Variants in ST6GALNAC1 observed in about 807,000 individuals in gnomAD.
ST6GALNAC1 encodes alpha-N-acetylgalactosaminide alpha-2,6-sialyltransferase 1.
Under a neutral mutation model 56.8 loss-of-function variants are expected in ST6GALNAC1, and 45 were observed. The ratio of observed to expected loss-of-function variants is 0.79; its 90% CI spans 0.62 to 1.02. ST6GALNAC1 has a LOEUF of 1.02. Among genes scored for constraint, ST6GALNAC1 ranks in the 50% least tolerant of loss-of-function variants. The pLI is 0.00. For missense variants in ST6GALNAC1, 743 were observed against 754.8 expected (o/e 0.98, Z 0.18); for synonymous variants, 295 against 297.8 (o/e 0.99, Z 0.10).
chr17:76,633,013 C>A (rs576038337), intron 1 of ST6GALNAC1, among the ~76,000 whole-genome samples: 1 of 152,172 alleles, frequency 6.6e-6, no homozygotes, highest in East Asian at 1.9e-4. Context: ...CAAGACCAGC[C>A]TGGCCAACAT....
At chr17:76,635,198 G>A (rs989313287) in intron 1 of ST6GALNAC1, among the ~76,000 whole-genome samples, 1 of 152,102 alleles carries the variant, frequency 6.6e-6, no homozygotes, top group Admixed American at 6.5e-5. Context: ...TCTGGGACTC[G>A]AGAGAAAACA....
At chr17:76,636,718 G>A (rs1293625506) in intron 1 of ST6GALNAC1, among the ~76,000 whole-genome samples, 2 of 152,044 alleles carry the variant, frequency 1.3e-5, no homozygotes, top group Admixed American at 1.3e-4. Flanking sequence ...CCGCCGCCCC[G>A]TCTGGGAAGT....
At chr17:76,633,424 C>T (rs765584951) in intron 1 of ST6GALNAC1, among the ~76,000 whole-genome samples, 3 of 152,104 alleles carry the variant, frequency 2.0e-5, no homozygotes, top group African/African-American at 4.8e-5. Flanking sequence ...GCAGAAGAAT[C>T]GCTTGAACCT....
chr17:76,621,350 T>A (rs1403654330), downstream of ST6GALNAC1, among the ~76,000 whole-genome samples: 1 of 150,706 alleles, frequency 6.6e-6, no homozygotes, highest in African/African-American at 2.4e-5. Context: ...GCCCAGCTAA[T>A]TTTTGTACTT....
At chr17:76,640,196 G>A (rs574206076) in intron 1 of ST6GALNAC1, among the ~76,000 whole-genome samples, 21 of 152,118 alleles carry the variant, frequency 1.4e-4, no homozygotes, top group Non-Finnish European at 2.5e-4. Context: ...GGGCAGTTGA[G>A]GGTTCTGGTC....
chr17:76,637,506 A>T (rs1030752259), intron 1 of ST6GALNAC1: 1 of 392,086 alleles, frequency 2.6e-6, no homozygotes, highest in Non-Finnish European at 4.5e-6. Flanking sequence ...TCATTTCAAG[A>T]ATGTTATTTG....
At chr17:76,634,560 C>G (rs986266773) in intron 1 of ST6GALNAC1, among the ~76,000 whole-genome samples, 1 of 142,650 alleles carries the variant, frequency 7.0e-6, no homozygotes, top group African/African-American at 2.6e-5. Flanking sequence ...AGAAACCAGC[C>G]ATTCTGCTTT....
chr17:76,637,110 T>C (rs1030663259), intron 1 of ST6GALNAC1, among the ~76,000 whole-genome samples: 3 of 151,658 alleles, frequency 2.0e-5, no homozygotes, highest in Non-Finnish European at 2.9e-5. Flanking sequence ...TAATCTCAAG[T>C]TCCCAGGGAC....
At chr17:76,621,186 C>CTTTTTTTT (rs775271169), downstream of ST6GALNAC1, among the ~76,000 whole-genome samples, 79 of 110,060 alleles carry the variant, frequency 7.2e-4, no homozygotes, top group South Asian at 1.3e-3. Flanking sequence ...TTCTTTCTTT[C>CTTTTTTTT]TTTTTTTTTT....
Position 76,626,887 on chromosome 17 carries a change from T to A in ST6GALNAC1, c.1173-98A>T, listed in dbSNP as rs2075807872. 6 of 1,535,014 alleles carry A rather than the reference T, an allele frequency of 3.9e-6. No homozygotes were observed. In the Admixed American group the frequency reaches 1.0e-4, roughly 26 times the overall value. On this transcript the variant is annotated intron_variant, in intron 4 of 8. Transcript: ENST00000156626. ...GAAGGAGAAATGGGGGAGGCAGCAGTTATGTGCGGAAATTCTCTCGAGAGC... is the reference window on the plus strand; with the variant it reads ...GAAGGAGAAATGGGGGAGGCAGCAGATATGTGCGGAAATTCTCTCGAGAGC...
chr17:76,628,198 T>C (rs1330893908), intron 2 of ST6GALNAC1, among the ~76,000 whole-genome samples: 2 of 151,040 alleles, frequency 1.3e-5, no homozygotes, highest in African/African-American at 4.9e-5. Flanking sequence ...AGGGCCATGC[T>C]TCCAGTCATA....
intron 1 of ST6GALNAC1, among the ~76,000 whole-genome samples, chr17:76,634,831 C>G (rs1337668996): frequency 6.6e-6 from 1 of 152,130 alleles, no homozygotes; most frequent in Non-Finnish European, 1.5e-5. Context: ...TTGCAGTGAG[C>G]TGAGATCGTA....
intron 1 of ST6GALNAC1, among the ~76,000 whole-genome samples, chr17:76,635,350 C>T (rs989601229): frequency 6.6e-6 from 1 of 152,184 alleles, no homozygotes; most frequent in Admixed American, 6.5e-5. Context: ...GAATGCCAGT[C>T]AGCTGGTTTG....
intron 1 of ST6GALNAC1, among the ~76,000 whole-genome samples, chr17:76,632,580 T>G (rs2143454922): frequency 6.6e-6 from 1 of 152,334 alleles, no homozygotes; most frequent in South Asian, 2.1e-4. Flanking sequence ...AATTATGTAA[T>G]TAAGTTTCAT....
At chr17:76,622,788 C>CT (rs1045229758), downstream of ST6GALNAC1, among the ~76,000 whole-genome samples, 7 of 125,474 alleles carry the variant, frequency 5.6e-5, no homozygotes, top group African/African-American at 2.0e-4. Flanking sequence ...TCTTAGAACT[C>CT]TTGTCATTTC....
At chr17:76,617,452 T>C in the ST6GALNAC1 span, among the ~76,000 whole-genome samples, 1 of 152,142 alleles carries the variant, frequency 6.6e-6, no homozygotes. Context: ...GCAGGGGAGT[T>C]ACTGGCTCCC....
downstream of ST6GALNAC1, among the ~76,000 whole-genome samples, chr17:76,621,524 A>G (rs1326159210): frequency 2.0e-5 from 3 of 147,596 alleles, no homozygotes; most frequent in African/African-American, 2.5e-5. Flanking sequence ...TCACCAGGCT[A>G]GAGTGCAGTG....
At chr17:76,640,711 G>T (rs2143492264) in intron 1 of ST6GALNAC1, among the ~76,000 whole-genome samples, 2 of 152,278 alleles carry the variant, frequency 1.3e-5, no homozygotes, top group East Asian at 3.9e-4. Flanking sequence ...TAATATTAGG[G>T]TTGGGAATGA....
rs777426595 is a variant in ST6GALNAC1 at position 76,625,370 on chromosome 17, T to C, written c.1763A>G (p.Tyr588Cys). Residue 588 changes from tyrosine (Y) to cysteine (C), a missense_variant, in exon 9 of 9, where the codon TAC becomes TGC. Tyr to Cys is a radical substitution (Grantham distance 194). Coordinates refer to ENST00000156626, the MANE Select transcript of ST6GALNAC1 (RefSeq NM_018414.5). The part of the protein sequence containing the change: ...RLHDEGIIRL[Y>C]QRPGPGTAKA... ...GGCAGTTCCGGGACCAGGACGCTGG[T>C]ACAGCCGGATTATCCCTTCATCGTG... 1.9e-6 allele frequency: 3 copies of C among 1,614,018 alleles called. No homozygotes were observed. The highest frequency in any genetic ancestry group is 1.7e-6 in the Non-Finnish European group (2 of 1,180,034).
Sources: allele counts gnomAD v4.1 joint callset (sites outside exome capture counted in the v4.1 genomes callset), GRCh38; gene constraint gnomAD v4.1.1; transcripts MANE v1.5; gene names NCBI Gene and HGNC (gene_info 2026-07-23, HGNC 2026-07-21).